The following GPATCH2 variants were observed in gnomAD, a reference collection of about 807,000 sequenced individuals.
GPATCH2 encodes the protein G patch domain-containing protein 2.
Under a neutral mutation model 58.0 loss-of-function variants are expected in GPATCH2, and 51 were observed. The ratio of observed to expected loss-of-function variants is 0.88; its 90% CI spans 0.70 to 1.11. The LOEUF (loss-of-function observed/expected upper bound fraction) is 1.11. GPATCH2 is among the 50% of genes most tolerant of loss of function. GPATCH2 has a pLI of 0.00. For missense variants in GPATCH2, 625 were observed against 652.2 expected (o/e 0.96, Z 0.45); for synonymous variants, 222 against 218.5 (o/e 1.02, Z -0.14).
At chr1:217,483,441 T>G (rs1405446637) in intron 8 of GPATCH2, among the ~76,000 whole-genome samples, 2 of 152,168 alleles carry the variant, frequency 1.3e-5, no homozygotes, top group East Asian at 3.9e-4. Context: ...CACCTTGGCC[T>G]CCCAAAGTGT....
At chr1:217,610,541 A>C in intron 4 of GPATCH2, 141 bp from the exon 5 acceptor site, 1 of 621,222 alleles carries the variant, frequency 1.6e-6, no homozygotes, top group Non-Finnish European at 2.8e-6. Flanking sequence ...AAAATGCAAA[A>C]CTCACACTTA....
Position 217,542,147 on chromosome 1 carries a change from G to C in GPATCH2, c.1099-27258C>G, listed in dbSNP as rs181821518. Among the ~76,000 whole-genome samples, 12 of 152,304 alleles carry C rather than the reference G, an allele frequency of 7.9e-5. No individual in the cohort carries two copies. The East Asian group carries it at 2.3e-3, about 29-fold the overall frequency. On this transcript the variant is annotated intron_variant, in intron 5 of 9. Transcript: ENST00000366935. ...TTTGTTTCTTGAGGAATCCTGCTGGGTTTAGGCTGTGATGAACATCTGCTG... is the reference window on the plus strand; with the variant it reads ...TTTGTTTCTTGAGGAATCCTGCTGGCTTTAGGCTGTGATGAACATCTGCTG...
intron 5 of GPATCH2, among the ~76,000 whole-genome samples, chr1:217,581,689 T>G (rs12409615): frequency 0.21 from 31,473 of 152,202 alleles, 4,168 homozygotes; most frequent in East Asian, 0.49. Flanking sequence ...GCGGTGGCTC[T>G]TGCCTGTAAT....
intron 5 of GPATCH2, among the ~76,000 whole-genome samples, chr1:217,537,362 GGT>G (rs1664529021): frequency 6.6e-6 from 1 of 151,960 alleles, no homozygotes; most frequent in Non-Finnish European, 1.5e-5. Flanking sequence ...GCACATGGTA[GGT>G]GTTCAATATA....
chr1:217,593,762 G>A (rs1667696833), intron 5 of GPATCH2, among the ~76,000 whole-genome samples: 1 of 151,806 alleles, frequency 6.6e-6, no homozygotes, highest in Non-Finnish European at 1.5e-5. Flanking sequence ...TGTAATATAT[G>A]GTATTGTAAA....
intron 8 of GPATCH2, among the ~76,000 whole-genome samples, chr1:217,460,909 G>C (rs989192039): frequency 2.6e-5 from 4 of 152,178 alleles, no homozygotes; most frequent in African/African-American, 9.7e-5. Context: ...TCATTCAAGA[G>C]AGTCTACAAT....
chr1:217,449,978 G>A (rs1659584257), intron 8 of GPATCH2, among the ~76,000 whole-genome samples: 1 of 151,878 alleles, frequency 6.6e-6, no homozygotes, highest in Non-Finnish European at 1.5e-5. Context: ...ACCGAGAAGT[G>A]GACCTTCTGC....
At chr1:217,575,202 A>T (rs1571947084) in intron 5 of GPATCH2, among the ~76,000 whole-genome samples, 1 of 152,342 alleles carries the variant, frequency 6.6e-6, no homozygotes, top group East Asian at 1.9e-4. Context: ...TTAGATCTCA[A>T]AGCTGACCTA....
chr1:217,528,750 A>G (rs1209274728), intron 5 of GPATCH2, among the ~76,000 whole-genome samples: 1 of 152,230 alleles, frequency 6.6e-6, no homozygotes, highest in Admixed American at 6.5e-5. Flanking sequence ...GAGGCCAGAC[A>G]GATAGCCTGA....
intron 5 of GPATCH2, among the ~76,000 whole-genome samples, chr1:217,555,460 G>A (rs959579115): frequency 3.2e-4 from 49 of 152,038 alleles, no homozygotes; most frequent in African/African-American, 1.1e-3. Flanking sequence ...CTGCTTGTAC[G>A]TTAGGGTATG....
intron 8 of GPATCH2, among the ~76,000 whole-genome samples, chr1:217,476,235 A>AGT (rs60995546): frequency 0.027 from 3,990 of 146,362 alleles, 92 homozygotes; most frequent in African/African-American, 0.067. Context: ...TCCAGATATG[A>AGT]GTGTGTGTGT....
chr1:217,501,756 G>T (rs1383471245), intron 6 of GPATCH2, among the ~76,000 whole-genome samples: 1 of 152,000 alleles, frequency 6.6e-6, no homozygotes, highest in African/African-American at 2.4e-5. Context: ...TAAAATGGAT[G>T]TTCATGTTTT....
At chr1:217,439,832 G>A (rs1203012248) in intron 9 of GPATCH2, among the ~76,000 whole-genome samples, 1 of 152,164 alleles carries the variant, frequency 6.6e-6, no homozygotes, top group East Asian at 1.9e-4. Flanking sequence ...TCGAATCCCT[G>A]AATAGACTAA....
At chr1:217,580,675 G>C (rs1272713082) in intron 5 of GPATCH2, among the ~76,000 whole-genome samples, 2 of 151,868 alleles carry the variant, frequency 1.3e-5, no homozygotes, top group Non-Finnish European at 2.9e-5. Flanking sequence ...CTCAAGCTTT[G>C]CTACTTACTA....
intron 8 of GPATCH2, among the ~76,000 whole-genome samples, chr1:217,487,891 C>T (rs1464166136): frequency 6.6e-6 from 1 of 152,112 alleles, no homozygotes; most frequent in East Asian, 1.9e-4. Context: ...TACAGGAGCA[C>T]ACCACCACGC....
intron 7 of GPATCH2, 186 bp downstream of exon 7, chr1:217,498,170 C>T (rs759558947): frequency 1.4e-6 from 1 of 697,116 alleles, no homozygotes; most frequent in Non-Finnish European, 2.6e-6. Flanking sequence ...AAAGAAAACT[C>T]TCATGCTGAT....
intron 9 of GPATCH2, among the ~76,000 whole-genome samples, chr1:217,433,359 T>G (rs1658635212): frequency 7.7e-6 from 1 of 129,518 alleles, no homozygotes; most frequent in Non-Finnish European, 1.6e-5. Context: ...CTTTAAGCTG[T>G]TCATATATAT....
At chr1:217,532,379 A>G (rs1411391906) in intron 5 of GPATCH2, among the ~76,000 whole-genome samples, 1 of 152,204 alleles carries the variant, frequency 6.6e-6, no homozygotes, top group Non-Finnish European at 1.5e-5. Flanking sequence ...AAGGCCACCT[A>G]CCTGACAAGT....
chr1:217,492,186 G>A (rs1661777577), intron 7 of GPATCH2, among the ~76,000 whole-genome samples: 1 of 151,970 alleles, frequency 6.6e-6, no homozygotes, highest in South Asian at 2.1e-4. Flanking sequence ...ATTTTTTAAG[G>A]CTTTGTTACC....
Sources: allele counts gnomAD v4.1 joint callset (sites outside exome capture counted in the v4.1 genomes callset), GRCh38; gene constraint gnomAD v4.1.1; transcripts MANE v1.5; gene names NCBI Gene and HGNC (gene_info 2026-07-23, HGNC 2026-07-21).